The following VWA8 variants were observed in gnomAD, a reference collection of about 807,000 sequenced individuals.
VWA8 encodes von Willebrand factor A domain containing 8, also known as von Willebrand factor A domain-containing protein 8.
Under a neutral mutation model 241.5 loss-of-function variants are expected in VWA8, and 221 were observed. The ratio of observed to expected loss-of-function variants is 0.91; its 90% CI spans 0.82 to 1.02. VWA8 has a LOEUF of 1.02. Among genes scored for constraint, VWA8 ranks in the 50% least tolerant of loss-of-function variants. The pLI is 0.00. For synonymous variants in VWA8, 852 were observed against 827.1 expected, an observed-to-expected ratio of 1.03 and a Z score of -0.52; for missense variants, 2,322 against 2,328.7, an observed-to-expected ratio of 1.00 and a Z score of 0.06.
intron 40 of VWA8, among the ~76,000 whole-genome samples, chr13:41,603,486 T>A (rs1187530721): frequency 6.6e-6 from 1 of 152,160 alleles, no homozygotes; most frequent in Admixed American, 6.6e-5. Context: ...AAATACCAAT[T>A]AAGACATCAA....
intron 9 of VWA8, among the ~76,000 whole-genome samples, chr13:41,870,708 T>C (rs1873558222): frequency 6.6e-6 from 1 of 151,498 alleles, no homozygotes; most frequent in Admixed American, 6.6e-5. Context: ...ATAAATGAGC[T>C]TAAATGTATG....
At chr13:41,603,128 A>T (rs1048602706) in intron 40 of VWA8, among the ~76,000 whole-genome samples, 5 of 152,246 alleles carry the variant, frequency 3.3e-5, no homozygotes, top group Middle Eastern at 3.4e-3. Flanking sequence ...AAGGATTTTT[A>T]AAAAATGGGT....
intron 30 of VWA8, 72 bp downstream of exon 30, chr13:41,692,790 T>C: frequency 8.2e-7 from 1 of 1,214,732 alleles, no homozygotes. Flanking sequence ...GGGATGGGCA[T>C]GCATGCATCT....
At chr13:41,845,062 T>C (rs998198562) in intron 12 of VWA8, among the ~76,000 whole-genome samples, 4 of 152,064 alleles carry the variant, frequency 2.6e-5, no homozygotes, top group Non-Finnish European at 5.9e-5. Context: ...AAAATTCATA[T>C]GGAACCAAAA....
At chr13:41,882,164 C>G (rs539266588) in intron 9 of VWA8, among the ~76,000 whole-genome samples, 1 of 147,302 alleles carries the variant, frequency 6.8e-6, no homozygotes, top group Admixed American at 6.7e-5. Context: ...ACATCCCAGA[C>G]GGGGCGGCAG....
intron 36 of VWA8, among the ~76,000 whole-genome samples, chr13:41,672,926 T>A (rs138217061): frequency 9.8e-5 from 15 of 152,318 alleles, no homozygotes; most frequent in African/African-American, 3.6e-4. Context: ...CCAAGCTGTA[T>A]GATTCTATTG....
At chr13:41,650,426 A>G (rs2044861761) in intron 37 of VWA8, among the ~76,000 whole-genome samples, 1 of 152,200 alleles carries the variant, frequency 6.6e-6, no homozygotes, top group Non-Finnish European at 1.5e-5. Context: ...GCGTAGAAAC[A>G]TGAACCAGGG....
chr13:41,750,486 AAAAG>A (rs746349918), intron 21 of VWA8, among the ~76,000 whole-genome samples: 2 of 121,198 alleles, frequency 1.7e-5, no homozygotes, highest in African/African-American at 5.1e-5. Context: ...AAAAAGGAAA[AAAAG>A]AAAGGAAGGA....
intron 37 of VWA8, among the ~76,000 whole-genome samples, chr13:41,637,136 T>C (rs1343010109): frequency 6.6e-6 from 1 of 151,572 alleles, no homozygotes; most frequent in Non-Finnish European, 1.5e-5. Context: ...TGCGGCACTA[T>C]TCACAATAGC....
chr13:41,747,459 A>C (rs570830226), intron 21 of VWA8, among the ~76,000 whole-genome samples: 57 of 152,298 alleles, frequency 3.7e-4, no homozygotes, highest in African/African-American at 1.3e-3. Context: ...GTATCCTGAG[A>C]CTTTGCTGAA....
Position 41,670,942 on chromosome 13 carries a change from G to C in VWA8, c.4611+4C>G. On this transcript the variant is annotated splice_donor_region_variant and intron_variant, in intron 37 of 44. Transcript: ENST00000379310. ...CTAAGAGATAAGGTGAATTCAAATG[G>C]TACCTGCATATTTCTGTCATCTTGT... The C allele has an allele frequency of 6.2e-7, 1 of 1,613,252 alleles. No individual in the cohort carries two copies. Among genetic ancestry groups the C allele is most frequent in the Admixed American group, 1.7e-5 (1 of 59,922 alleles).
chr13:41,851,272 A>G (rs1872522916), intron 12 of VWA8, among the ~76,000 whole-genome samples: 1 of 152,130 alleles, frequency 6.6e-6, no homozygotes, highest in Admixed American at 6.5e-5. Context: ...CAAATGAAAG[A>G]CCCCACCAGA....
intron 20 of VWA8, among the ~76,000 whole-genome samples, chr13:41,762,867 T>C (rs1279889152): frequency 2.0e-5 from 3 of 152,054 alleles, no homozygotes; most frequent in Non-Finnish European, 2.9e-5. Context: ...ATTTGTCAAG[T>C]GAATAAACGA....
In VWA8 at chr13:41,581,301, CGA is replaced by C. The variant is rs916103615; in HGVS notation, c.5272-5465_5272-5464del. Among the ~76,000 whole-genome samples the C allele has an allele frequency of 7.8e-5, 6 of 76,506 alleles. 1 individual carries two copies. Among genetic ancestry groups the C allele is most frequent in the African/African-American group, 6.6e-4 (5 of 7,546 alleles). The allele number at this position is 76,506 out of a possible 152,430, so 50.2% of individuals were successfully genotyped here. On this transcript the variant is annotated intron_variant, in intron 42 of 44. Transcript: ENST00000379310. ...ACAGGCGTGAGCCACCGCGCCCGGC[CGA>C]GAGTGAGTCATCTAAATCAGAGGGT... is the stretch of plus-strand genomic sequence containing the variant.
At chr13:41,700,616 A>G (rs892886364) in intron 28 of VWA8, among the ~76,000 whole-genome samples, 2 of 152,240 alleles carry the variant, frequency 1.3e-5, no homozygotes, top group Non-Finnish European at 2.9e-5. Flanking sequence ...TGCAGGCATT[A>G]AATGCAGTTC....
chr13:41,634,046 CT>C (rs2044741879), intron 37 of VWA8, among the ~76,000 whole-genome samples: 1 of 152,130 alleles, frequency 6.6e-6, no homozygotes, highest in African/African-American at 2.4e-5. Context: ...AGGTTGAGGG[CT>C]TTAGGCAGCA....
At chr13:41,825,678 A>G (rs941392837) in intron 14 of VWA8, among the ~76,000 whole-genome samples, 1 of 152,160 alleles carries the variant, frequency 6.6e-6, no homozygotes, top group Non-Finnish European at 1.5e-5. Flanking sequence ...TTCCACAAAA[A>G]AGCTTAATAT....
At chr13:41,643,043 G>C (rs778780756) in intron 37 of VWA8, among the ~76,000 whole-genome samples, 5 of 152,128 alleles carry the variant, frequency 3.3e-5, no homozygotes, top group Non-Finnish European at 7.4e-5. Context: ...ACAATTTTCA[G>C]CTTTTTAAGG....
chr13:41,863,455 T>TATTCACA (rs1566485517), intron 12 of VWA8, among the ~76,000 whole-genome samples: 1 of 87,194 alleles, frequency 1.1e-5, no homozygotes, highest in Non-Finnish European at 2.4e-5. Flanking sequence ...ATATATATAT[T>TATTCACA]CACACACACA....
Sources: gnomAD v4.1 joint callset for allele counts (sites outside exome capture counted in the v4.1 genomes callset) on GRCh38, gnomAD v4.1.1 for gene constraint, MANE v1.5 for transcripts, NCBI Gene and HGNC (gene_info 2026-07-23, HGNC 2026-07-21) for gene names.